LRIF1: variants seen among roughly 807,000 people sequenced by gnomAD.
LRIF1 encodes ligand dependent nuclear receptor interacting factor 1, also known as ligand-dependent nuclear receptor-interacting factor 1.
Under a neutral mutation model 52.7 loss-of-function variants are expected in LRIF1, and 32 were observed. The ratio of observed to expected loss-of-function variants is 0.61; its 90% confidence interval spans 0.46 to 0.82. The LOEUF (loss-of-function observed/expected upper bound fraction) is 0.82. Among genes scored for constraint, LRIF1 ranks in the 40% least tolerant of loss-of-function variants. The probability of loss-of-function intolerance (pLI) is 0.00; values close to 1 mark genes in which losing one functional copy is unlikely to be tolerated. For synonymous variants in LRIF1, 323 were observed against 317.4 expected (o/e 1.02, Z -0.19); for missense variants, 887 against 892.0 (o/e 0.99, Z 0.07).
the LRIF1 span, among the ~76,000 whole-genome samples, chr1:110,921,494 A>G: frequency 6.6e-6 from 1 of 152,136 alleles, no homozygotes; most frequent in Non-Finnish European, 1.5e-5. Context: ...AATAAAAACA[A>G]AATTTAACTA....
rs990527316 is a variant in LRIF1, at chr1:110,949,364, C to T, written c.1869+487G>A. 4.3e-4 allele frequency among the ~76,000 whole-genome samples: 65 copies of T among 151,264 alleles called. 1 individual carries two copies. Among genetic ancestry groups the T allele is most frequent in the Admixed American group, 2.6e-4 (4 of 15,224 alleles). On this transcript the variant is annotated intron_variant, in intron 3 of 3. Transcript: ENST00000369763. Reference sequence around the variant, plus strand: ...CGATCTCTTGACCTCGTGATCCGCCCGCCTCAGCCTCCCAAAGTGCTGGGA... The same window carrying T: ...CGATCTCTTGACCTCGTGATCCGCCTGCCTCAGCCTCCCAAAGTGCTGGGA...
chr1:110,911,164 ATG>A, the LRIF1 span, among the ~76,000 whole-genome samples: 1 of 151,832 alleles, frequency 6.6e-6, no homozygotes, highest in Admixed American at 6.6e-5. Context: ...GATAAAGTTT[ATG>A]CTACCCTCAA....
chr1:110,935,378 A>G, the LRIF1 span, among the ~76,000 whole-genome samples: 6 of 152,242 alleles, frequency 3.9e-5, no homozygotes, highest in African/African-American at 1.4e-4. Context: ...ACGGAGATAT[A>G]TGACCTTTCA....
chr1:110,879,489 T>C, the LRIF1 span, among the ~76,000 whole-genome samples: 1 of 151,228 alleles, frequency 6.6e-6, no homozygotes, highest in African/African-American at 2.4e-5. Context: ...ACTAGGTTTG[T>C]AGTTATATAA....
chr1:110,878,685 A>T, the LRIF1 span, among the ~76,000 whole-genome samples: 3 of 152,320 alleles, frequency 2.0e-5, no homozygotes, highest in East Asian at 5.8e-4. Flanking sequence ...ATCTTAGCTT[A>T]CAAAGGTGTT....
chr1:110,896,244 T>A, the LRIF1 span, among the ~76,000 whole-genome samples: 1 of 152,200 alleles, frequency 6.6e-6, no homozygotes, highest in Non-Finnish European at 1.5e-5. Flanking sequence ...AAGTTTGATG[T>A]GGTTTTTGTT....
the LRIF1 span, among the ~76,000 whole-genome samples, chr1:110,891,000 C>T: frequency 0.4 from 61,519 of 152,210 alleles, 14,500 homozygotes; most frequent in Admixed American, 0.54. Context: ...TGTTGGCTTT[C>T]TTGATGGCTG....
chr1:110,958,167 C>A (rs1030393295), intron 1 of LRIF1, among the ~76,000 whole-genome samples: 2 of 152,234 alleles, frequency 1.3e-5, no homozygotes, highest in African/African-American at 4.8e-5. Context: ...ATCTCTACAA[C>A]AATACCACCC....
At chr1:110,962,494 T>C (rs1659001901) in intron 1 of LRIF1, among the ~76,000 whole-genome samples, 1 of 152,194 alleles carries the variant, frequency 6.6e-6, no homozygotes. Context: ...AGTTTTCTAC[T>C]TGCAATTAAA....
the LRIF1 span, among the ~76,000 whole-genome samples, chr1:110,896,058 G>A: frequency 2.0e-5 from 3 of 151,996 alleles, no homozygotes; most frequent in Non-Finnish European, 4.4e-5. Context: ...TTGAATGATA[G>A]GTCTCTCTAT....
the LRIF1 span, among the ~76,000 whole-genome samples, chr1:110,920,036 G>A: frequency 6.6e-6 from 1 of 152,150 alleles, no homozygotes; most frequent in Non-Finnish European, 1.5e-5. Flanking sequence ...AATCCAAAAT[G>A]CAGACACCAT....
At chr1:110,928,194 T>C in the LRIF1 span, among the ~76,000 whole-genome samples, 26 of 152,286 alleles carry the variant, frequency 1.7e-4, no homozygotes, top group African/African-American at 6.3e-4. Context: ...TATACTGATA[T>C]TATCAGTAGC....
intron 1 of LRIF1, among the ~76,000 whole-genome samples, chr1:110,954,670 T>C (rs971057143): frequency 6.6e-6 from 1 of 152,178 alleles, no homozygotes; most frequent in African/African-American, 2.4e-5. Context: ...TATTAAGTCA[T>C]TACACAAAAA....
the LRIF1 span, among the ~76,000 whole-genome samples, chr1:110,888,136 C>T: frequency 0.44 from 66,144 of 152,014 alleles, 15,844 homozygotes; most frequent in Admixed American, 0.56. Flanking sequence ...TCTCCCTGAG[C>T]CCTTAAGAAG....
At chr1:110,961,292 A>C (rs1658937612) in intron 1 of LRIF1, among the ~76,000 whole-genome samples, 1 of 152,234 alleles carries the variant, frequency 6.6e-6, no homozygotes, top group South Asian at 2.1e-4. Context: ...CATTTAGCAC[A>C]GTCTATCACA....
the LRIF1 span, among the ~76,000 whole-genome samples, chr1:110,904,172 C>T: frequency 6.6e-6 from 1 of 152,178 alleles, no homozygotes; most frequent in Non-Finnish European, 1.5e-5. Flanking sequence ...CCAGACAGCA[C>T]CTCTGGAACC....
chr1:110,892,080 G>T, the LRIF1 span, among the ~76,000 whole-genome samples: 1 of 152,320 alleles, frequency 6.6e-6, no homozygotes, highest in East Asian at 1.9e-4. Context: ...CCTATATATG[G>T]TGAAGATACT....
At chr1:110,907,079 C>A in the LRIF1 span, among the ~76,000 whole-genome samples, 17 of 152,286 alleles carry the variant, frequency 1.1e-4, no homozygotes, top group South Asian at 2.7e-3. Context: ...TCAGTCCAAA[C>A]CCCTGCACTA....
At chr1:110,891,343 G>C in the LRIF1 span, 1 of 1,259,066 alleles carries the variant, frequency 7.9e-7, no homozygotes. Flanking sequence ...CTGATCTCTG[G>C]CTACCTTACA....
Sources: allele counts gnomAD v4.1 joint callset (sites outside exome capture counted in the v4.1 genomes callset), GRCh38; gene constraint gnomAD v4.1.1; transcripts MANE v1.5; gene names NCBI Gene and HGNC (gene_info 2026-07-23, HGNC 2026-07-21).